Variants in AUTS2 observed in about 807,000 individuals in gnomAD.
The protein encoded by AUTS2 is activator of transcription and developmental regulator AUTS2.
A neutral mutation model predicts 112.4 loss-of-function variants in AUTS2; 17 were observed. That is an observed-to-expected ratio of 0.15 (90% CI 0.10 to 0.23). The LOEUF is 0.23. AUTS2 is among the 10% of genes least tolerant of loss of function. AUTS2 has a pLI of 1.00. For synonymous variants in AUTS2, 751 were observed against 702.7 expected, an observed-to-expected ratio of 1.07 and a Z score of -1.09; for missense variants, 1,510 against 1,701.6, an observed-to-expected ratio of 0.89 and a Z score of 1.98.
At chr7:70,287,348 A>G (rs1788506597) in intron 4 of AUTS2, among the ~76,000 whole-genome samples, 1 of 152,156 alleles carries the variant, frequency 6.6e-6, no homozygotes, top group South Asian at 2.1e-4. Context: ...CATATTCTGG[A>G]TAAATTATTA....
intron 6 of AUTS2, 47 bp from the exon 7 acceptor site, chr7:70,762,823 C>G: frequency 7.3e-7 from 1 of 1,371,874 alleles, no homozygotes; most frequent in Non-Finnish European, 1.0e-6. Flanking sequence ...TTATGCCACA[C>G]TCGCATGTCA....
At chr7:69,866,794 C>G (rs574911711) in intron 1 of AUTS2, among the ~76,000 whole-genome samples, 1 of 152,142 alleles carries the variant, frequency 6.6e-6, no homozygotes, top group Non-Finnish European at 1.5e-5. Context: ...GGAATTATTT[C>G]CACCTTCCCG....
At chr7:69,980,155 CT>C (rs1445891990) in intron 2 of AUTS2, among the ~76,000 whole-genome samples, 6 of 152,148 alleles carry the variant, frequency 3.9e-5, no homozygotes, top group African/African-American at 1.4e-4. Context: ...GTCGCCCAGG[CT>C]GGAATGCAGT....
intron 4 of AUTS2, among the ~76,000 whole-genome samples, chr7:70,235,530 C>A (rs951454175): frequency 1.3e-5 from 2 of 152,174 alleles, no homozygotes; most frequent in African/African-American, 4.8e-5. Flanking sequence ...TCCTATACTA[C>A]CTTTATTATC....
In AUTS2 at chr7:70,144,362, T is replaced by C. The variant is rs7805534; in HGVS notation, c.660+9791T>C. ...TTTTAAAATAACTTTGCAATAGAAC[T>C]AGCTCTGTGATATGAAAACCTGGTT... On this transcript the variant is annotated intron_variant, in intron 4 of 18. Transcript: ENST00000342771. 2.4e-3 allele frequency among the ~76,000 whole-genome samples: 365 copies of C among 152,194 alleles called. 3 individuals are homozygous for C. Among genetic ancestry groups the C allele is most frequent in the Non-Finnish European group, 4.3e-3 (294 of 67,988 alleles).
At chr7:70,479,729 A>G (rs1446886164) in intron 5 of AUTS2, among the ~76,000 whole-genome samples, 1 of 152,144 alleles carries the variant, frequency 6.6e-6, no homozygotes, top group African/African-American at 2.4e-5. Flanking sequence ...TTCAGTTTAT[A>G]TCAGATGTGG....
intron 13 of AUTS2, chr7:70,776,887 A>C: frequency 1.7e-6 from 1 of 581,784 alleles, no homozygotes; most frequent in Non-Finnish European, 3.0e-6. Context: ...TTTTCTGAGT[A>C]GCAAACCCAC....
chr7:70,095,535 CAT>C (rs1804148710), intron 2 of AUTS2, among the ~76,000 whole-genome samples: 1 of 152,090 alleles, frequency 6.6e-6, no homozygotes. Context: ...ATTCACTTAA[CAT>C]ATTTATTGAG....
intron 1 of AUTS2, among the ~76,000 whole-genome samples, chr7:69,747,968 A>T (rs10266014): frequency 0.1 from 15,543 of 151,736 alleles, 1,297 homozygotes; most frequent in African/African-American, 0.23. Context: ...TTAGCATTGT[A>T]TTTTTTTTCC....
At chr7:70,752,672 G>C (rs13227667) in intron 6 of AUTS2, among the ~76,000 whole-genome samples, 20,799 of 152,060 alleles carry the variant, frequency 0.14, 1,934 homozygotes, top group East Asian at 0.39. Flanking sequence ...GTACAAATGA[G>C]TTTTTCCCCC....
intron 5 of AUTS2, among the ~76,000 whole-genome samples, chr7:70,679,983 AG>A (rs996274179): frequency 1.3e-5 from 2 of 152,236 alleles, no homozygotes; most frequent in African/African-American, 4.8e-5. Context: ...CACGGAGCCC[AG>A]GAGGCTCACT....
chr7:70,729,196 T>C, intron 6 of AUTS2: 3 of 456,602 alleles, frequency 6.6e-6, no homozygotes, highest in Non-Finnish European at 1.3e-5. Context: ...GGGTGGGGCT[T>C]GGAGCTCCCG....
chr7:69,783,374 T>C (rs1332636624), intron 1 of AUTS2, among the ~76,000 whole-genome samples: 1 of 152,130 alleles, frequency 6.6e-6, no homozygotes, highest in Non-Finnish European at 1.5e-5. Flanking sequence ...TAGTTTGTAC[T>C]GAGCTGGACA....
chr7:70,770,749 C>T (rs1790285522), intron 10 of AUTS2, among the ~76,000 whole-genome samples: 1 of 152,150 alleles, frequency 6.6e-6, no homozygotes, highest in Non-Finnish European at 1.5e-5. Flanking sequence ...ATAGCAGATA[C>T]CATTCAGAAG....
chr7:69,751,034 A>C (rs149941130), intron 1 of AUTS2, among the ~76,000 whole-genome samples: 1 of 152,114 alleles, frequency 6.6e-6, no homozygotes, highest in African/African-American at 2.4e-5. Context: ...GAAAAATTGT[A>C]CATCTTCTTT....
chr7:70,468,248 G>A (rs183782557), intron 5 of AUTS2, among the ~76,000 whole-genome samples: 68 of 152,258 alleles, frequency 4.5e-4, no homozygotes, highest in East Asian at 3.5e-3. Flanking sequence ...GGTTTTCAGC[G>A]TAATTTTGTT....
chr7:70,730,497 AT>A, intron 6 of AUTS2, among the ~76,000 whole-genome samples: 1 of 152,232 alleles, frequency 6.6e-6, no homozygotes, highest in Non-Finnish European at 1.5e-5. Context: ...CTTCATATAC[AT>A]GGTGTCATAC....
At chr7:70,209,768 A>G (rs1810760809) in intron 4 of AUTS2, among the ~76,000 whole-genome samples, 1 of 152,188 alleles carries the variant, frequency 6.6e-6, no homozygotes, top group Non-Finnish European at 1.5e-5. Flanking sequence ...CTCCTTTACT[A>G]CAACCGATTA....
At chr7:69,960,610 C>T (rs1318413871) in intron 2 of AUTS2, among the ~76,000 whole-genome samples, 4 of 152,116 alleles carry the variant, frequency 2.6e-5, no homozygotes, top group African/African-American at 4.8e-5. Flanking sequence ...GACACAATAT[C>T]GAACTTCAGA....
Sources: gnomAD v4.1 joint callset for allele counts (sites outside exome capture counted in the v4.1 genomes callset) on GRCh38, gnomAD v4.1.1 for gene constraint, MANE v1.5 for transcripts, NCBI Gene and HGNC (gene_info 2026-07-23, HGNC 2026-07-21) for gene names.